Variants in PPM1L observed in about 807,000 individuals in gnomAD.
PPM1L encodes protein phosphatase, Mg2+/Mn2+ dependent 1L.
A neutral mutation model predicts 31.4 loss-of-function variants in PPM1L; 13 were observed. The observed-to-expected ratio is 0.41, with a 90% CI of 0.27 to 0.66. The LOEUF is 0.66. Among genes scored for constraint, PPM1L ranks in the 30% least tolerant of loss-of-function variants. The pLI, the probability that PPM1L is intolerant of heterozygous loss-of-function variation, is 0.29. For missense variants in PPM1L, 326 were observed against 453.7 expected, an observed-to-expected ratio of 0.72 and a Z score of 2.56; for synonymous variants, 184 against 175.4, an observed-to-expected ratio of 1.05 and a Z score of -0.39.
chr3:160,857,807 C>T (rs1711764075), intron 1 of PPM1L, among the ~76,000 whole-genome samples: 1 of 152,202 alleles, frequency 6.6e-6, no homozygotes, highest in African/African-American at 2.4e-5. Context: ...CTCTAGCCCA[C>T]ATTCCCCAGC....
Position 161,069,189 on chromosome 3 carries a change from A to C in PPM1L, c.*32A>C. On this transcript the variant is annotated 3_prime_UTR_variant, in exon 4 of 4. Coordinates refer to ENST00000498165, the MANE Select transcript of PPM1L (RefSeq NM_139245.4). ...CAGGGGTCTCAGCTGCCTTAGACTA[A>C]AGGACTTTCAACACACTGGTCTCTT... 6.7e-7 allele frequency: 1 copy of C among 1,489,728 alleles called. No individual in the cohort carries two copies. The highest frequency in any genetic ancestry group is 9.2e-7 in the Non-Finnish European group (1 of 1,090,262). 92.3% of individuals were successfully genotyped at this position (1,489,728 alleles called of 1,614,324 possible). A position where few individuals can be genotyped will look rare whatever the true frequency, so the allele number is the denominator to read the frequency against.
intron 1 of PPM1L, among the ~76,000 whole-genome samples, chr3:160,937,568 C>T (rs963495473): frequency 6.6e-6 from 1 of 151,882 alleles, no homozygotes; most frequent in Non-Finnish European, 1.5e-5. Context: ...TGCAGTGAGC[C>T]GAGATCGCGC....
chr3:160,940,897 A>G lies in PPM1L; in HGVS notation c.400-20839A>G, dbSNP rs1576728493. ...CCACAGCTTGAACTGTGGGCCTGGA[A>G]AAGCTGCAGACACTCAACACCAGCT... On this transcript the variant is annotated intron_variant, in intron 1 of 3. Coordinates refer to ENST00000498165, the MANE Select transcript of PPM1L (RefSeq NM_139245.4). Among the ~76,000 whole-genome samples, 3 of 152,164 alleles carry G rather than the reference A, an allele frequency of 2.0e-5. No homozygotes were observed. The East Asian group carries it at 5.8e-4, about 29-fold the overall frequency.
intron 2 of PPM1L, among the ~76,000 whole-genome samples, chr3:161,004,626 A>G (rs1230991633): frequency 2.0e-5 from 3 of 149,474 alleles, no homozygotes; most frequent in Non-Finnish European, 4.5e-5. Context: ...GTTTATTTGC[A>G]TAGAGGTGTT....
At chr3:160,849,838 T>G (rs912825215) in intron 1 of PPM1L, among the ~76,000 whole-genome samples, 5 of 152,176 alleles carry the variant, frequency 3.3e-5, no homozygotes, top group Admixed American at 1.3e-4. Flanking sequence ...TGCTGGGAAC[T>G]TGGGCTGGAA....
intron 1 of PPM1L, among the ~76,000 whole-genome samples, chr3:160,835,886 C>A (rs1713699779): frequency 6.6e-6 from 1 of 152,020 alleles, no homozygotes; most frequent in Non-Finnish European, 1.5e-5. Flanking sequence ...TGGAACATCT[C>A]TGCTCTTACT....
At chr3:160,765,475 C>G (rs1715080954) in intron 1 of PPM1L, among the ~76,000 whole-genome samples, 1 of 152,148 alleles carries the variant, frequency 6.6e-6, no homozygotes. Context: ...TGCTGCTAAC[C>G]TTGGTAGGTT....
intron 1 of PPM1L, among the ~76,000 whole-genome samples, chr3:160,777,138 C>T (rs1041630681): frequency 6.6e-6 from 1 of 151,962 alleles, no homozygotes; most frequent in East Asian, 2.0e-4. Flanking sequence ...GCCTGGGCAA[C>T]AGAGTGAGAC....
At chr3:160,794,906 G>C (rs964678410) in intron 1 of PPM1L, among the ~76,000 whole-genome samples, 9 of 152,204 alleles carry the variant, frequency 5.9e-5, no homozygotes, top group Non-Finnish European at 1.0e-4. Flanking sequence ...GCTTGCTTTA[G>C]AGAAAGAGGA....
chr3:160,969,890 A>C (rs2108115098), intron 2 of PPM1L, among the ~76,000 whole-genome samples: 1 of 152,346 alleles, frequency 6.6e-6, no homozygotes, highest in East Asian at 1.9e-4. Context: ...AACATTTTTT[A>C]AACGTGGAAA....
At chr3:160,849,876 A>G (rs1259551249) in intron 1 of PPM1L, among the ~76,000 whole-genome samples, 5 of 152,180 alleles carry the variant, frequency 3.3e-5, no homozygotes, top group African/African-American at 1.2e-4. Flanking sequence ...AAAACAAGCC[A>G]TGCCTTGTCT....
At chr3:161,000,499 C>T (rs933920970) in intron 2 of PPM1L, among the ~76,000 whole-genome samples, 2 of 152,058 alleles carry the variant, frequency 1.3e-5, no homozygotes, top group African/African-American at 4.8e-5. Context: ...AAACAAAACA[C>T]ATAACCAGTA....
chr3:160,775,747 G>A (rs1009672332), intron 1 of PPM1L, among the ~76,000 whole-genome samples: 5 of 152,182 alleles, frequency 3.3e-5, no homozygotes, highest in East Asian at 1.9e-4. Flanking sequence ...TACATTAGAC[G>A]TGCCTGAGTT....
intron 2 of PPM1L, among the ~76,000 whole-genome samples, chr3:161,044,328 C>T (rs996460526): frequency 2.0e-5 from 3 of 151,140 alleles, no homozygotes; most frequent in Admixed American, 6.6e-5. Flanking sequence ...ACGTGAGCCA[C>T]TGCACCTGGC....
intron 1 of PPM1L, among the ~76,000 whole-genome samples, chr3:160,880,624 G>A (rs1712678903): frequency 8.3e-6 from 1 of 120,840 alleles, no homozygotes; most frequent in Non-Finnish European, 2.1e-5. Flanking sequence ...ATAGCATTCT[G>A]TGGTTAAAAA....
rs1719828701 is a variant in PPM1L at position 161,069,012 on chromosome 3, C to T, written c.938C>T (p.Ala313Val). 8.7e-6 allele frequency: 14 copies of T among 1,614,076 alleles called. No individual in the cohort carries two copies. The highest frequency in any genetic ancestry group is 1.2e-5 in the Non-Finnish European group (14 of 1,180,054). Residue 313 changes from alanine to valine, a missense_variant, in exon 4 of 4, where the codon GCA becomes GTA. This residue lies in a region of PPM1L where 201 missense variants were observed against 298.2 expected (regional missense o/e 0.67). Coordinates refer to ENST00000498165, the MANE Select transcript of PPM1L (RefSeq NM_139245.4). ...GLWDAFSNEEAVRFIKERLDE... is the reference protein window; with the variant it reads ...GLWDAFSNEEVVRFIKERLDE... ...TGGGATGCTTTCAGCAATGAAGAAGCAGTTCGATTCATCAAGGAGCGCTTG... is the reference window on the plus strand; with the variant it reads ...TGGGATGCTTTCAGCAATGAAGAAGTAGTTCGATTCATCAAGGAGCGCTTG...
intron 2 of PPM1L, among the ~76,000 whole-genome samples, chr3:161,032,524 C>G (rs749610919): frequency 6.6e-6 from 1 of 152,102 alleles, no homozygotes; most frequent in Non-Finnish European, 1.5e-5. Context: ...TAGAAACTTG[C>G]TATTCTCAGG....
chr3:160,827,752 T>C (rs1040446852), intron 1 of PPM1L, among the ~76,000 whole-genome samples: 4 of 151,962 alleles, frequency 2.6e-5, no homozygotes, highest in Admixed American at 2.6e-4. Context: ...GGTCAGTGGG[T>C]ATATTAGGCC....
chr3:160,953,645 C>G (rs1337724554), intron 1 of PPM1L, among the ~76,000 whole-genome samples: 1 of 152,032 alleles, frequency 6.6e-6, no homozygotes, highest in African/African-American at 2.4e-5. Flanking sequence ...ATTATCTCTT[C>G]TTGAAGAGAA....
Sources: allele counts gnomAD v4.1 joint callset (sites outside exome capture counted in the v4.1 genomes callset), GRCh38; gene constraint gnomAD v4.1.1; regional missense constraint gnomAD v4.1.1; transcripts MANE v1.5; gene names NCBI Gene and HGNC (gene_info 2026-07-23, HGNC 2026-07-21).